The following WIPF1 variants were observed in gnomAD, a reference collection of about 807,000 sequenced individuals.
WIPF1 encodes the protein WAS/WASL-interacting protein family member 1.
A neutral mutation model predicts 35.4 loss-of-function variants in WIPF1; 13 were observed. The ratio of observed to expected loss-of-function variants is 0.37; its 90% CI spans 0.24 to 0.58. WIPF1 has a LOEUF of 0.58. WIPF1 is among the 20% of genes least tolerant of loss of function. The pLI is 0.74. For synonymous variants in WIPF1, 267 were observed against 266.3 expected (o/e 1.00, Z -0.02); for missense variants, 591 against 667.0 (o/e 0.89, Z 1.25).
intron 1 of WIPF1, chr2:174,630,005 A>C (rs966701803): frequency 2.0e-5 from 3 of 152,236 alleles, no homozygotes; most frequent in African/African-American, 7.2e-5. Flanking sequence ...GTCTGAAGAT[A>C]GCAGTATTCC....
At chr2:174,598,996 C>T (rs1426878039), upstream of WIPF1, among the ~76,000 whole-genome samples, 1 of 152,146 alleles carries the variant, frequency 6.6e-6, no homozygotes, top group African/African-American at 2.4e-5. Flanking sequence ...CAGTAACAGT[C>T]AAAGAATTTA....
At chr2:174,575,032 G>C in intron 4 of WIPF1, 172 bp downstream of exon 4, 1 of 878,932 alleles carries the variant, frequency 1.1e-6, no homozygotes, top group Non-Finnish European at 1.9e-6. Flanking sequence ...TCTGATCCTG[G>C]TTAATAATAA....
chr2:174,562,652 C>T (rs750181341), intron 7 of WIPF1, 50 bp from the exon 8 acceptor site: 6 of 1,606,226 alleles, frequency 3.7e-6, no homozygotes, highest in Non-Finnish European at 5.1e-6. Context: ...AGCTGATGTT[C>T]TCATCGTGGA....
chr2:174,636,601 G>C (rs1687186631), intron 1 of WIPF1, among the ~76,000 whole-genome samples: 1 of 152,106 alleles, frequency 6.6e-6, no homozygotes, highest in African/African-American at 2.4e-5. Context: ...TCTGTTCCAG[G>C]AGCCCATCCA....
chr2:174,599,895 C>T (rs1685945854), upstream of WIPF1, among the ~76,000 whole-genome samples: 1 of 151,720 alleles, frequency 6.6e-6, no homozygotes, highest in Non-Finnish European at 1.5e-5. Flanking sequence ...GGTCCCTAAC[C>T]TTTTTGGCAC....
In WIPF1 at chr2:174,571,582, G is replaced by A. The variant is rs755820748; in HGVS notation, c.1129+94C>T. 1.9e-6 allele frequency: 3 copies of A among 1,558,090 alleles called. No homozygotes were observed. The highest frequency in any genetic ancestry group is 1.1e-5 in the South Asian group (1 of 90,028). ...CACAAAGCAGTCTGAGTTTACTTATGCCTGCTTTTGTTAGACTATCTTGAC... is the reference window on the plus strand; with the variant it reads ...CACAAAGCAGTCTGAGTTTACTTATACCTGCTTTTGTTAGACTATCTTGAC... On this transcript the variant is annotated intron_variant, in intron 5 of 7. Coordinates refer to ENST00000679041, the MANE Select transcript of WIPF1 (RefSeq NM_001375834.1). The surrounding 1 kb of genome is among the most constrained non-coding windows in gnomAD (Gnocchi z 4.6).
intron 1 of WIPF1, among the ~76,000 whole-genome samples, chr2:174,680,287 C>A (rs1288451789): frequency 1.3e-5 from 2 of 152,224 alleles, no homozygotes; most frequent in Non-Finnish European, 2.9e-5. Context: ...GAGTATCTGG[C>A]TTGATTCCAA....
At chr2:174,667,900 C>T (rs1687926369) in intron 1 of WIPF1, among the ~76,000 whole-genome samples, 1 of 152,210 alleles carries the variant, frequency 6.6e-6, no homozygotes, top group Non-Finnish European at 1.5e-5. Context: ...TCTCTCACCC[C>T]CAAAATGACT....
chr2:174,564,420 A>T (rs1356411605), intron 7 of WIPF1, among the ~76,000 whole-genome samples: 2 of 152,086 alleles, frequency 1.3e-5, no homozygotes, highest in Non-Finnish European at 2.9e-5. Flanking sequence ...GAAGCTCAAG[A>T]CCAGCCTGGG....
chr2:174,580,275 A>G (rs1214586223), intron 3 of WIPF1, among the ~76,000 whole-genome samples: 2 of 152,134 alleles, frequency 1.3e-5, no homozygotes, highest in Admixed American at 1.3e-4. Context: ...AAAGCAGTGC[A>G]TTCTCACTCG....
At chr2:174,595,515 A>G (rs1359196037) in intron 1 of WIPF1, among the ~76,000 whole-genome samples, 1 of 152,152 alleles carries the variant, frequency 6.6e-6, no homozygotes, top group East Asian at 1.9e-4. Flanking sequence ...TAAATGAAGG[A>G]GTGCTTAATA....
chr2:174,664,288 G>A lies in WIPF1; in HGVS notation c.-39+18486C>T, dbSNP rs118073762. Among the ~76,000 whole-genome samples the A allele has an allele frequency of 1.1e-3, 175 of 152,276 alleles. 4 individuals are homozygous for A. In the East Asian group the frequency reaches 0.027, roughly 24 times the overall value. ...TTGAGAAAGCCAGCGCAGGGAGTGCGGAGGAGCTCGTTCACTCTCTGCACT... is the reference window on the plus strand; with the variant it reads ...TTGAGAAAGCCAGCGCAGGGAGTGCAGAGGAGCTCGTTCACTCTCTGCACT... On this transcript the variant is annotated intron_variant, in intron 1 of 8. Coordinates refer to the WIPF1 transcript ENST00000272746.
rs1482490715 is a variant in WIPF1 at position 174,571,873 on chromosome 2, G to A, written c.932C>T (p.Pro311Leu). 1.2e-6 allele frequency: 2 copies of A among 1,613,714 alleles called. No individual in the cohort carries two copies. The highest frequency in any genetic ancestry group is 2.2e-5 in the South Asian group (2 of 91,046). Reference sequence around the variant, plus strand: ...AGGCGGCCCGGGCCTGCTGGGAGGTGGCGGCGGAGGTGGGGCCTGTGAGGA... The same window carrying A: ...AGGCGGCCCGGGCCTGCTGGGAGGTAGCGGCGGAGGTGGGGCCTGTGAGGA... ...SASSQAPPPP[P>L]PPSRPGPPPL... The change falls in exon 5 of 8, where the codon CCA (proline) becomes CTA (leucine). Residue 311 changes from proline to leucine, a missense_variant. Physicochemically the swap from Pro to Leu is moderately conservative, Grantham distance 98. This residue lies in a region of WIPF1 where 471 missense variants were observed against 501.1 expected (regional missense o/e 0.94). Transcript: ENST00000679041. The surrounding 1 kb of genome is among the most constrained non-coding windows in gnomAD (Gnocchi z 4.6).
upstream of WIPF1, among the ~76,000 whole-genome samples, chr2:174,600,242 A>C (rs1264583626): frequency 1.3e-5 from 2 of 152,190 alleles, no homozygotes; most frequent in African/African-American, 4.8e-5. Flanking sequence ...GCAGTCCCCA[A>C]GACATGCAAG....
intron 1 of WIPF1, among the ~76,000 whole-genome samples, chr2:174,663,063 C>G (rs1404848883): frequency 6.6e-6 from 1 of 152,104 alleles, no homozygotes; most frequent in Non-Finnish European, 1.5e-5. Context: ...ATAAACATGC[C>G]CTTTTCAATA....
chr2:174,594,220 TAG>T (rs1254085797), intron 1 of WIPF1, among the ~76,000 whole-genome samples: 1 of 152,216 alleles, frequency 6.6e-6, no homozygotes, highest in Admixed American at 6.5e-5. Context: ...ATAGTTCTTT[TAG>T]ATAAGGAGGT....
At chr2:174,667,368 AAATC>A (rs1687914060) in intron 1 of WIPF1, among the ~76,000 whole-genome samples, 1 of 152,140 alleles carries the variant, frequency 6.6e-6, no homozygotes, top group African/African-American at 2.4e-5. Flanking sequence ...ATCAGGGCTG[AAATC>A]AGTCCTAGGC....
intron 1 of WIPF1, among the ~76,000 whole-genome samples, chr2:174,672,977 T>C (rs1258694878): frequency 6.6e-6 from 1 of 152,244 alleles, no homozygotes; most frequent in Non-Finnish European, 1.5e-5. Context: ...TTTCACTATC[T>C]GTCAGGATTG....
chr2:174,562,740 G>T, intron 7 of WIPF1, 138 bp from the exon 8 acceptor site: 1 of 1,127,354 alleles, frequency 8.9e-7, no homozygotes, highest in African/African-American at 1.5e-5. Context: ...GTATGTTGTG[G>T]ATGAGAAGTG....
Sources: allele counts gnomAD v4.1 joint callset (sites outside exome capture counted in the v4.1 genomes callset), GRCh38; gene constraint gnomAD v4.1.1; regional missense constraint gnomAD v4.1.1; non-coding constraint Gnocchi (gnomAD v3.1); transcripts MANE v1.5; gene names NCBI Gene and HGNC (gene_info 2026-07-23, HGNC 2026-07-21).